Variants in INTS1 observed in about 807,000 individuals in gnomAD.
INTS1 encodes integrator complex subunit 1.
In INTS1, 137 loss-of-function variants were observed where a neutral mutation model predicts 241.6. That is an observed-to-expected ratio of 0.57 (90% CI 0.49 to 0.65). The LOEUF (loss-of-function observed/expected upper bound fraction) is 0.65. Among genes scored for constraint, INTS1 ranks in the 30% least tolerant of loss-of-function variants. INTS1 has a pLI of 0.00. For missense variants in INTS1, 3,073 were observed against 3,032.2 expected (o/e 1.01, Z -0.32); for synonymous variants, 1,692 against 1,337.8 (o/e 1.26, Z -5.78).
rs532523055 is a variant in INTS1 at position 1,489,208 on chromosome 7, A to G, written c.2318+136T>C. ...GCAGCAGGCTTAGATCCAGAAGCTC[A>G]GGTCCATGAGTCAACAGAAGATGCT... On this transcript the variant is annotated intron_variant, in intron 18 of 47. Coordinates refer to ENST00000404767, the MANE Select transcript of INTS1 (RefSeq NM_001080453.3). The G allele has an allele frequency of 1.1e-4, 16 of 150,652 alleles. No individual in the cohort carries two copies. In the Admixed American group the frequency reaches 1.7e-3, roughly 16 times the overall value. The allele number at this position is 150,652 out of a possible 1,614,324, so 9.3% of individuals were successfully genotyped here.
intron 18 of INTS1, among the ~76,000 whole-genome samples, 172 bp downstream of exon 18, chr7:1,489,172 G>A (rs374246110): frequency 1.3e-5 from 2 of 152,220 alleles, no homozygotes; most frequent in Non-Finnish European, 2.9e-5. Flanking sequence ...GGAAAGAGAA[G>A]AGAACAAAGT....
At chr7:1,494,260 G>A (rs1465739996) in intron 14 of INTS1, among the ~76,000 whole-genome samples, 4 of 152,234 alleles carry the variant, frequency 2.6e-5, no homozygotes, top group Non-Finnish European at 5.9e-5. Flanking sequence ...AGGAGACAGA[G>A]ATAACCCCTA....
chr7:1,471,333 C>T, intron 45 of INTS1, 109 bp from the exon 46 acceptor site: 2 of 1,195,664 alleles, frequency 1.7e-6, no homozygotes, highest in Non-Finnish European at 2.4e-6. Context: ...GGACCCTAGG[C>T]CCCTATCCAG....
chr7:1,493,730 C>G lies in INTS1; in HGVS notation c.2068+24G>C. 5 of 1,558,606 alleles carry G rather than the reference C, an allele frequency of 3.2e-6. No individual in the cohort carries two copies. Among genetic ancestry groups the G allele is most frequent in the Non-Finnish European group, 4.3e-6 (5 of 1,152,836 alleles). On this transcript the variant is annotated intron_variant, in intron 15 of 47. Transcript: ENST00000404767. This position sits in a 1 kb window ranked among gnomAD's most constrained non-coding sequence, Gnocchi z 5.3. ...ACGAGGGGAGCAGACCCAGCACAGG[C>G]GCCATCCCCTGCAGAAGCCATACCA...
intron 39 of INTS1, 84 bp downstream of exon 39, chr7:1,475,864 T>G: frequency 6.8e-7 from 1 of 1,474,504 alleles, no homozygotes; most frequent in Non-Finnish European, 9.1e-7. Flanking sequence ...GCGATGGCCA[T>G]GTACACTGTG....
chr7:1,500,405 G>C, intron 3 of INTS1, 39 bp from the exon 4 acceptor site: 1 of 1,499,366 alleles, frequency 6.7e-7, no homozygotes, highest in Non-Finnish European at 8.9e-7. Context: ...CGGGGCCAGG[G>C]CAGGGTCACC....
intron 16 of INTS1, among the ~76,000 whole-genome samples, chr7:1,492,148 G>A (rs893572979): frequency 5.3e-5 from 8 of 152,280 alleles, no homozygotes; most frequent in South Asian, 2.1e-4. Flanking sequence ...CAAGAGAACC[G>A]AAGACACGGC....
In INTS1 at chr7:1,471,188, A is replaced by T; in HGVS notation, c.6292T>A (p.Cys2098Ser). 6.3e-7 allele frequency: 1 copy of T among 1,582,616 alleles called. No individual in the cohort carries two copies. The highest frequency in any genetic ancestry group is 1.3e-5 in the African/African-American group (1 of 74,282). ...LQRLMSSAEE[C>S]CRNLAFSLAL... ...AGGCTGAAGGCGAGGTTGCGGCAACACTCCTCGGCCGAGCTCATCAGCCGC... is the reference window on the plus strand; with the variant it reads ...AGGCTGAAGGCGAGGTTGCGGCAACTCTCCTCGGCCGAGCTCATCAGCCGC... The change falls in exon 46 of 48, where the codon TGT becomes AGT. Residue 2098 changes from cysteine (C) to serine (S), a missense_variant. Physicochemically the swap from Cys to Ser is moderately radical, Grantham distance 112. Coordinates refer to ENST00000404767, the MANE Select transcript of INTS1 (RefSeq NM_001080453.3).
At position 1,476,599 on chromosome 7, in the gene INTS1, A is replaced by C. The variant is rs1781735492; in HGVS notation, c.5122T>G (p.Trp1708Gly). 1 of 1,611,678 alleles carries C rather than the reference A, an allele frequency of 6.2e-7. No individual in the cohort carries two copies. The highest frequency in any genetic ancestry group is 8.5e-7 in the Non-Finnish European group (1 of 1,179,610). ...GGGGTGCGCTGGTCCCGCCCCTGCC[A>C]GATGCGAGGAACATGGATGCAGGCC... ...LWACIHVPRI[W>G]QGRDQRTPQK... Residue 1708 changes from tryptophan (W) to glycine (G), a missense_variant, in exon 37 of 48, where the codon TGG (tryptophan) becomes GGG (glycine). Physicochemically the swap from Trp to Gly is radical, Grantham distance 184 (BLOSUM62 -2). Transcript: ENST00000404767.
Position 1,487,048 on chromosome 7 carries a change from G to A in INTS1, c.2700C>T (p.Gly900=). The change falls in exon 21 of 48, where the codon GGC becomes GGT. Residue 900 remains glycine, a synonymous_variant. Transcript: ENST00000404767. The part of the protein sequence containing the change: ...WLADLVQSSE[G]SLDVLPVQCL... Reference sequence around the variant, plus strand: ...ACTGCACGGGCAGCACGTCCAGGGAGCCCTCGCTGGACTGTACCAGGTCCG... The same window carrying A: ...ACTGCACGGGCAGCACGTCCAGGGAACCCTCGCTGGACTGTACCAGGTCCG... 1 of 1,574,164 alleles carries A rather than the reference G, an allele frequency of 6.4e-7. No homozygotes were observed.
Position 1,482,602 on chromosome 7 carries a change from G to A in INTS1, c.3647C>T (p.Pro1216Leu). ...VDTSEEALLLPDWLKLRMIRS... is the reference protein window; with the variant it reads ...VDTSEEALLLLDWLKLRMIRS... Reference sequence around the variant, plus strand: ...GATCATGCGCAGCTTCAGCCAGTCAGGAAGCAGCAGCGCCTCCTCCGATGT... The same window carrying A: ...GATCATGCGCAGCTTCAGCCAGTCAAGAAGCAGCAGCGCCTCCTCCGATGT... Residue 1216 changes from proline (P) to leucine (L), a missense_variant, in exon 27 of 48, where the codon CCT becomes CTT. Pro to Leu is a moderately conservative substitution (Grantham distance 98). Transcript: ENST00000404767. 6.2e-7 allele frequency: 1 copy of A among 1,612,890 alleles called. No homozygotes were observed. The highest frequency in any genetic ancestry group is 1.1e-5 in the South Asian group (1 of 91,090).
rs569021799 is a variant in INTS1, at chr7:1,494,692, G to A, written c.1910+124C>T. 6 of 892,872 alleles carry A rather than the reference G, an allele frequency of 6.7e-6. No individual in the cohort carries two copies. In the African/African-American group the frequency reaches 9.9e-5, roughly 15 times the overall value. 55.3% of individuals were successfully genotyped at this position (892,872 alleles called of 1,614,324 possible). ...ACCCAGGATTGTGGAGGAGGAGCAG[G>A]ATGGTGCTGTGACCATGGGAACAGC... On this transcript the variant is annotated intron_variant, in intron 14 of 47. Coordinates refer to ENST00000404767, the MANE Select transcript of INTS1 (RefSeq NM_001080453.3).
Position 1,484,113 on chromosome 7 carries a change from G to C in INTS1, c.3319C>G (p.Leu1107Val), listed in dbSNP as rs759709560. 4 of 1,612,340 alleles carry C rather than the reference G, an allele frequency of 2.5e-6. No homozygotes were observed. In the East Asian group the frequency reaches 6.7e-5, roughly 27 times the overall value. Residue 1107 changes from leucine to valine, a missense_variant, in exon 25 of 48, where the codon CTC becomes GTC. By Grantham distance (32) the Leu-to-Val change is conservative. Transcript: ENST00000404767. ...GCGTCCGACGCGGCACTCGGGGAGA[G>C]CTTCGAGAAGAGGTGGGACATGATG... ...STIMSHLFSK[L>V]SPSAASDAVL...
At chr7:1,474,514 C>G (rs375776173) in intron 40 of INTS1, among the ~76,000 whole-genome samples, 154 bp from the exon 41 acceptor site, 1 of 152,230 alleles carries the variant, frequency 6.6e-6, no homozygotes, top group Non-Finnish European at 1.5e-5. Flanking sequence ...GATCGCCCCT[C>G]TCTGAGGCCC....
chr7:1,471,299 C>T lies in INTS1; in HGVS notation c.6256-75G>A, dbSNP rs543722240. On this transcript the variant is annotated intron_variant, in intron 45 of 47. Transcript: ENST00000404767. ...TCAAGGCCCCTTCACCTCTTGGTCT[C>T]GTGATGGTTGGCGGCAACGGCAGGG... 3.6e-5 allele frequency: 52 copies of T among 1,451,192 alleles called. No individual in the cohort carries two copies. The South Asian group carries it at 5.3e-4, about 15-fold the overall frequency. 89.9% of individuals were successfully genotyped at this position (1,451,192 alleles called of 1,614,324 possible). A position where few individuals can be genotyped will look rare whatever the true frequency, so the allele number is the denominator to read the frequency against.
rs1782677222 is a variant in INTS1, at chr7:1,493,357, G to A, written c.2069-251C>T. Among the ~76,000 whole-genome samples, 1 of 152,066 alleles carries A rather than the reference G, an allele frequency of 6.6e-6. No individual in the cohort carries two copies. The highest frequency in any genetic ancestry group is 1.5e-5 in the Non-Finnish European group (1 of 68,008). ...TGCCAAGAGAGGGTAGGGAGGTGAG[G>A]ACGGGGGTGTGGCCGGCAGGGTGGG... is the stretch of plus-strand genomic sequence containing the variant. On this transcript the variant is annotated intron_variant, in intron 15 of 47. Coordinates refer to ENST00000404767, the MANE Select transcript of INTS1 (RefSeq NM_001080453.3). The surrounding 1 kb of genome is among the most constrained non-coding windows in gnomAD (Gnocchi z 5.3).
Position 1,476,043 on chromosome 7 carries a change from GAA to G in INTS1, c.5405_5406del (p.Leu1802ProfsTer17). 6.5e-7 allele frequency: 1 copy of G among 1,545,280 alleles called. No homozygotes were observed. The highest frequency in any genetic ancestry group is 1.4e-5 in the African/African-American group (1 of 73,138). On this transcript the variant is annotated frameshift_variant, in exon 39 of 48. Transcript: ENST00000404767. LOFTEE classifies it high-confidence loss of function. ...DSVLGRRCRD[L>X]LLQLYLQRPE... ...GGCCGCTGTAGGTAGAGCTGCAGGA[GAA>G]GGTCTCGGCAGCGCCTGCCCAGCAC...
rs374425903 is a variant in INTS1, at chr7:1,487,467, C to T, written c.2517-18G>A. 5 of 1,607,688 alleles carry T rather than the reference C, an allele frequency of 3.1e-6. No individual in the cohort carries two copies. The highest frequency in any genetic ancestry group is 1.1e-5 in the South Asian group (1 of 90,264). On this transcript the variant is annotated intron_variant, in intron 19 of 47. Transcript: ENST00000404767. The stretch of plus-strand genomic sequence containing the variant: ...GGGGCCCCCTGAGGGCCACAGGGGA[C>T]ACGGTGCGTCAGCACGCCCTGAGCG...
intron 3 of INTS1, among the ~76,000 whole-genome samples, chr7:1,502,618 C>T (rs1783244144): frequency 1.3e-5 from 2 of 152,144 alleles, no homozygotes; most frequent in Admixed American, 1.3e-4. Flanking sequence ...TCAGACAGTG[C>T]CCGTCACAAA....
Sources: gnomAD v4.1 joint callset for allele counts (sites outside exome capture counted in the v4.1 genomes callset) on GRCh38, gnomAD v4.1.1 for gene constraint, Gnocchi (gnomAD v3.1) non-coding constraint, MANE v1.5 for transcripts, NCBI Gene and HGNC (gene_info 2026-07-23, HGNC 2026-07-21) for gene names.